Variants in MOB1B observed in about 807,000 individuals in gnomAD.
MOB1B encodes the protein MOB1 Mps One Binder homolog B.
In MOB1B, 19 loss-of-function variants were observed where a neutral mutation model predicts 24.4. The observed-to-expected ratio is 0.78, with a 90% CI of 0.54 to 1.14. The LOEUF is 1.14. Ranked by LOEUF, MOB1B falls within the 50% of genes most tolerant of loss-of-function variation. The probability of loss-of-function intolerance (pLI) is 0.00; values close to 1 mark genes in which losing one functional copy is unlikely to be tolerated. For synonymous variants in MOB1B, 76 were observed against 82.1 expected, an observed-to-expected ratio of 0.93 and a Z score of 0.40; for missense variants, 243 against 259.6, an observed-to-expected ratio of 0.94 and a Z score of 0.44.
In MOB1B at chr4:70,988,155, C is replaced by G. The variant is rs553963447; in HGVS notation, c.*6098C>G. 6.6e-6 allele frequency: 1 copy of G among 151,240 alleles called. No homozygotes were observed. Among genetic ancestry groups the G allele is most frequent in the Non-Finnish European group, 1.5e-5 (1 of 67,818 alleles). 9.4% of individuals were successfully genotyped at this position (151,240 alleles called of 1,614,324 possible). On this transcript the variant is annotated 3_prime_UTR_variant, in exon 6 of 6. Transcript: ENST00000309395. ...TAAGAAAAAAATGAATAAATAGTTA[C>G]GTTTGGCCATGAATCCTGACTTTGC...
At chr4:70,920,959 GA>G (rs1736413482) in intron 1 of MOB1B, among the ~76,000 whole-genome samples, 1 of 152,158 alleles carries the variant, frequency 6.6e-6, no homozygotes, top group African/African-American at 2.4e-5. Context: ...AACAAATGAT[GA>G]CTTGCTAGAA....
In MOB1B at chr4:70,976,286, G is replaced by C. The variant is rs139882446; in HGVS notation, c.409+1000G>C. ...ATTGCTAATAACATCTGCCACAGTT[G>C]TATCTACTTATTTAGGGAAGTTCAT... On this transcript the variant is annotated intron_variant, in intron 4 of 5. Transcript: ENST00000309395. 7.3e-4 allele frequency: 718 copies of C among 984,444 alleles called. 4 individuals carry two copies. The African/African-American group carries it at 0.012, about 16-fold the overall frequency. 61.0% of individuals were successfully genotyped at this position (984,444 alleles called of 1,614,324 possible).
chr4:70,976,725 A>G lies in MOB1B; in HGVS notation c.409+1439A>G, dbSNP rs539812901. 1.4e-5 allele frequency: 11 copies of G among 762,740 alleles called. No individual in the cohort carries two copies. In the South Asian group the frequency reaches 6.0e-4, roughly 41 times the overall value. The allele number at this position is 762,740 out of a possible 1,614,324, so 47.2% of individuals were successfully genotyped here. A position where few individuals can be genotyped will look rare whatever the true frequency, so the allele number is the denominator to read the frequency against. On this transcript the variant is annotated intron_variant, in intron 4 of 5. Coordinates refer to ENST00000309395, the MANE Select transcript of MOB1B (RefSeq NM_173468.4). ...ATTAACCACTTGGAACTTTTTTAATAAAAGAGCAATTTTTCAAGACTGAAT... is the reference window on the plus strand; with the variant it reads ...ATTAACCACTTGGAACTTTTTTAATGAAAGAGCAATTTTTCAAGACTGAAT...
intron 1 of MOB1B, among the ~76,000 whole-genome samples, chr4:70,952,630 G>A (rs1335357336): frequency 2.3e-5 from 3 of 131,398 alleles, no homozygotes; most frequent in Non-Finnish European, 3.1e-5. Flanking sequence ...GCGACAGAGC[G>A]AGACGCCGTC....
chr4:70,922,923 C>G (rs1255119990), intron 1 of MOB1B, among the ~76,000 whole-genome samples: 1 of 152,150 alleles, frequency 6.6e-6, no homozygotes, highest in African/African-American at 2.4e-5. Flanking sequence ...GCAATACAAG[C>G]TTGCCAGTTT....
Position 70,902,455 on chromosome 4 carries a change from A to G in MOB1B, c.-82A>G, listed in dbSNP as rs377527464. 1.2e-3 allele frequency: 1,709 copies of G among 1,464,938 alleles called. 10 individuals are homozygous for G. The Middle Eastern group carries it at 0.02, about 17-fold the overall frequency. 90.7% of individuals were successfully genotyped at this position (1,464,938 alleles called of 1,614,324 possible). ...CCTCCGCCTCCCTGTCTCCTGTTCC[A>G]TTCGCCTTTCCTCTTCTTTCCTGGC... On this transcript the variant is annotated 5_prime_UTR_variant, in exon 1 of 6. Coordinates refer to ENST00000309395, the MANE Select transcript of MOB1B (RefSeq NM_173468.4).
chr4:70,929,190 T>C (rs112027988), intron 1 of MOB1B, among the ~76,000 whole-genome samples: 1,609 of 148,686 alleles, frequency 0.011, 28 homozygotes, highest in African/African-American at 0.038. Flanking sequence ...TTCTTTTTTT[T>C]TTTTTTTTTT....
At chr4:70,909,772 G>C (rs1268628762) in intron 1 of MOB1B, among the ~76,000 whole-genome samples, 1 of 151,822 alleles carries the variant, frequency 6.6e-6, no homozygotes, top group African/African-American at 2.4e-5. Context: ...TGCCACCCAG[G>C]CTGGAGTGCA....
chr4:70,923,594 T>C (rs1035521962), intron 1 of MOB1B, among the ~76,000 whole-genome samples: 3 of 152,138 alleles, frequency 2.0e-5, no homozygotes, highest in South Asian at 4.1e-4. Context: ...TTAGTAGTTA[T>C]AGTATTATAG....
chr4:70,959,729 CAATT>C (rs1472628868), intron 2 of MOB1B, among the ~76,000 whole-genome samples: 9 of 152,024 alleles, frequency 5.9e-5, no homozygotes, highest in Non-Finnish European at 1.5e-5. Flanking sequence ...TAAGTTGAGA[CAATT>C]AGTAACTTGC....
chr4:70,948,283 T>C (rs1233925177), intron 1 of MOB1B, among the ~76,000 whole-genome samples: 2 of 152,236 alleles, frequency 1.3e-5, no homozygotes, highest in Non-Finnish European at 2.9e-5. Context: ...ATGACAATTA[T>C]ATTTTTCTTT....
chr4:70,944,195 C>T (rs1010217519), intron 1 of MOB1B, among the ~76,000 whole-genome samples: 4 of 152,092 alleles, frequency 2.6e-5, no homozygotes, highest in Non-Finnish European at 4.4e-5. Flanking sequence ...CCACCATGCC[C>T]GGCTAATTTT....
At chr4:70,912,043 C>T (rs1364059319) in intron 1 of MOB1B, among the ~76,000 whole-genome samples, 2 of 151,628 alleles carry the variant, frequency 1.3e-5, no homozygotes, top group Non-Finnish European at 2.9e-5. Flanking sequence ...ACTACAGTCG[C>T]CTACCACCAT....
chr4:70,954,370 T>C (rs1378781743), intron 1 of MOB1B, among the ~76,000 whole-genome samples: 1 of 152,262 alleles, frequency 6.6e-6, no homozygotes, highest in Non-Finnish European at 1.5e-5. Flanking sequence ...TCTGGAAAGC[T>C]AAGTAATTTG....
chr4:70,902,507 G>T lies in MOB1B; in HGVS notation c.-30G>T. On this transcript the variant is annotated 5_prime_UTR_variant, in exon 1 of 6. Transcript: ENST00000309395. ...CACGCCGCTCCGAGGCCTCGCGACCGCCGAGCCTGCAGCCTGCCCCGCGGC... is the reference window on the plus strand; with the variant it reads ...CACGCCGCTCCGAGGCCTCGCGACCTCCGAGCCTGCAGCCTGCCCCGCGGC... The T allele has an allele frequency of 6.4e-7, 1 of 1,558,210 alleles. No homozygotes were observed. Among genetic ancestry groups the T allele is most frequent in the African/African-American group, 1.4e-5 (1 of 73,664 alleles).
chr4:70,932,799 G>A (rs1736932845), intron 1 of MOB1B, among the ~76,000 whole-genome samples: 1 of 152,142 alleles, frequency 6.6e-6, no homozygotes, highest in Non-Finnish European at 1.5e-5. Context: ...TAATGTGGAT[G>A]TTTTTGAAAC....
intron 1 of MOB1B, among the ~76,000 whole-genome samples, chr4:70,945,939 G>A (rs1421972232): frequency 6.6e-6 from 1 of 150,600 alleles, no homozygotes; most frequent in African/African-American, 2.5e-5. Context: ...ACTTTTTGTG[G>A]TGCTTTTTTT....
In MOB1B at chr4:70,984,813, A is replaced by T. The variant is rs1739330548; in HGVS notation, c.*2756A>T. ...CTGGCTTTCATTTGCTGACTTGATT[A>T]TTCCCTTTCTCTTAAAAACCATGGC... On this transcript the variant is annotated 3_prime_UTR_variant, in exon 6 of 6. Transcript: ENST00000309395. 1 of 152,186 alleles carries T rather than the reference A, an allele frequency of 6.6e-6. No individual in the cohort carries two copies. The highest frequency in any genetic ancestry group is 2.1e-4 in the South Asian group (1 of 4,832). The allele number at this position is 152,186 out of a possible 1,614,324, so 9.4% of individuals were successfully genotyped here. A position where few individuals can be genotyped will look rare whatever the true frequency, so the allele number is the denominator to read the frequency against.
At chr4:70,949,591 A>G (rs1271421919) in intron 1 of MOB1B, among the ~76,000 whole-genome samples, 2 of 152,116 alleles carry the variant, frequency 1.3e-5, no homozygotes, top group Admixed American at 6.6e-5. Flanking sequence ...TAGAGATGGT[A>G]TAGGAGGGGA....
Sources: gnomAD v4.1 joint callset for allele counts (sites outside exome capture counted in the v4.1 genomes callset) on GRCh38, gnomAD v4.1.1 for gene constraint, MANE v1.5 for transcripts, NCBI Gene and HGNC (gene_info 2026-07-23, HGNC 2026-07-21) for gene names.